The following ERBB4 variants were observed in gnomAD, a reference collection of about 807,000 sequenced individuals.
The protein encoded by ERBB4 is receptor tyrosine-protein kinase erbB-4.
In ERBB4, 42 loss-of-function variants were observed where a neutral mutation model predicts 158.0. That is an observed-to-expected ratio of 0.27 (90% CI 0.21 to 0.34). ERBB4 has a LOEUF of 0.34. Among genes scored for constraint, ERBB4 ranks in the 10% least tolerant of loss-of-function variants. The pLI is 1.00. For missense variants in ERBB4, 1,333 were observed against 1,624.1 expected (o/e 0.82, Z 3.08); for synonymous variants, 583 against 558.7 (o/e 1.04, Z -0.61).
Position 211,586,826 on chromosome 2 carries a change from T to A in ERBB4, c.2302-24738A>T, listed in dbSNP as rs369999208. Among the ~76,000 whole-genome samples the A allele has an allele frequency of 9.8e-4, 150 of 152,308 alleles. No individual in the cohort carries two copies. The South Asian group carries it at 0.031, about 31-fold the overall frequency. Reference sequence around the variant, plus strand: ...TACACTTCAGTCAGTCTCACCCAGATTGATAAGAAATATCATTTCAAGACT... The same window carrying A: ...TACACTTCAGTCAGTCTCACCCAGAATGATAAGAAATATCATTTCAAGACT... On this transcript the variant is annotated intron_variant, in intron 19 of 27. Coordinates refer to ENST00000342788, the MANE Select transcript of ERBB4 (RefSeq NM_005235.3).
chr2:211,679,024 G>T (rs774559696), intron 13 of ERBB4, 28 bp downstream of exon 13: 87 of 1,566,170 alleles, frequency 5.6e-5, no homozygotes, highest in Non-Finnish European at 7.5e-5. Flanking sequence ...AGCTCATGAG[G>T]TGAAGGCAAC....
At chr2:212,498,116 ATGTGTG>A (rs746391733) in intron 1 of ERBB4, among the ~76,000 whole-genome samples, 1 of 144,654 alleles carries the variant, frequency 6.9e-6, no homozygotes, top group African/African-American at 2.7e-5. Context: ...GTGCATATCT[ATGTGTG>A]TGTGTGTGTG....
chr2:211,823,690 T>G (rs1383859971), intron 3 of ERBB4, among the ~76,000 whole-genome samples: 8 of 152,166 alleles, frequency 5.3e-5, no homozygotes, highest in African/African-American at 1.9e-4. Flanking sequence ...TATCAAAGTA[T>G]ATTAACTCAA....
At position 212,136,149 on chromosome 2, in the gene ERBB4, T is replaced by C. The variant is rs986091606; in HGVS notation, c.83-11246A>G. On this transcript the variant is annotated intron_variant, in intron 1 of 27. Transcript: ENST00000342788. ...GCAGTGTGTGGGATATTTTTCCTGT[T>C]AGGAGAATTTACAAGAAGGAATTAG... Among the ~76,000 whole-genome samples the C allele has an allele frequency of 2.0e-5, 3 of 152,192 alleles. No individual in the cohort carries two copies. The South Asian group carries it at 6.2e-4, about 31-fold the overall frequency.
intron 1 of ERBB4, among the ~76,000 whole-genome samples, chr2:212,211,956 C>G (rs1199847885): frequency 6.6e-6 from 1 of 152,116 alleles, no homozygotes; most frequent in African/African-American, 2.4e-5. Flanking sequence ...TTTACCCAGT[C>G]TATCAGTGAT....
intron 1 of ERBB4, among the ~76,000 whole-genome samples, chr2:212,523,503 T>C (rs137897779): frequency 6.6e-6 from 1 of 152,004 alleles, no homozygotes; most frequent in Non-Finnish European, 1.5e-5. Context: ...ATATAATGGA[T>C]CAGAAGTGTG....
At chr2:212,481,358 T>TA (rs903910259) in intron 1 of ERBB4, among the ~76,000 whole-genome samples, 3 of 152,174 alleles carry the variant, frequency 2.0e-5, no homozygotes, top group Non-Finnish European at 2.9e-5. Flanking sequence ...TTATTTTATT[T>TA]AAAAAATCAC....
chr2:211,425,597 A>G (rs1167971164), intron 22 of ERBB4, among the ~76,000 whole-genome samples: 3 of 151,928 alleles, frequency 2.0e-5, no homozygotes, highest in African/African-American at 7.2e-5. Flanking sequence ...ATGACTGTTC[A>G]TCTCTAGATA....
At chr2:211,820,016 T>C (rs1299579677) in intron 3 of ERBB4, among the ~76,000 whole-genome samples, 1 of 151,886 alleles carries the variant, frequency 6.6e-6, no homozygotes, top group Non-Finnish European at 1.5e-5. Flanking sequence ...ACATTGACTA[T>C]TAGATGGAGT....
chr2:211,699,644 C>G (rs1406248084), intron 12 of ERBB4, among the ~76,000 whole-genome samples: 1 of 151,982 alleles, frequency 6.6e-6, no homozygotes. Context: ...CTATGTTTCT[C>G]CTAACTGCTT....
chr2:211,769,056 C>T (rs1320157516), intron 4 of ERBB4, among the ~76,000 whole-genome samples: 1 of 152,172 alleles, frequency 6.6e-6, no homozygotes, highest in Non-Finnish European at 1.5e-5. Context: ...CTAGTCATAT[C>T]TTGAATGCTT....
intron 19 of ERBB4, among the ~76,000 whole-genome samples, chr2:211,594,870 T>C (rs962389285): frequency 1.3e-5 from 2 of 152,006 alleles, no homozygotes; most frequent in African/African-American, 4.8e-5. Flanking sequence ...ATGAAGTGAC[T>C]GAAGGTAAAA....
intron 20 of ERBB4, among the ~76,000 whole-genome samples, chr2:211,503,834 G>A (rs1340697404): frequency 2.0e-5 from 3 of 152,118 alleles, no homozygotes; most frequent in African/African-American, 7.2e-5. Flanking sequence ...TCAGTGGACT[G>A]GGAGGAACCC....
At chr2:211,569,441 C>A (rs1032555774) in intron 19 of ERBB4, among the ~76,000 whole-genome samples, 1 of 152,182 alleles carries the variant, frequency 6.6e-6, no homozygotes, top group African/African-American at 2.4e-5. Flanking sequence ...AGGAAGCTTT[C>A]ATTCTACCTG....
In ERBB4 at chr2:212,057,414, T is replaced by C. The variant is rs999086504; in HGVS notation, c.234+67338A>G. ...AGGGTAACCAGGAATTGAACTCAGCTCTGCACCAAGTGGACCTAGTAGGCA... is the reference window on the plus strand; with the variant it reads ...AGGGTAACCAGGAATTGAACTCAGCCCTGCACCAAGTGGACCTAGTAGGCA... On this transcript the variant is annotated intron_variant, in intron 2 of 27. Coordinates refer to ENST00000342788, the MANE Select transcript of ERBB4 (RefSeq NM_005235.3). Among the ~76,000 whole-genome samples, 12 of 152,278 alleles carry C rather than the reference T, an allele frequency of 7.9e-5. 1 individual carries two copies. The South Asian group carries it at 1.2e-3, about 16-fold the overall frequency.
intron 19 of ERBB4, among the ~76,000 whole-genome samples, chr2:211,581,696 G>A (rs1179517257): frequency 6.6e-6 from 1 of 151,916 alleles, no homozygotes; most frequent in Non-Finnish European, 1.5e-5. Flanking sequence ...TCACCCCTAT[G>A]GCCTCATTTT....
chr2:212,080,347 A>G (rs1052511209), intron 2 of ERBB4, among the ~76,000 whole-genome samples: 8 of 151,216 alleles, frequency 5.3e-5, no homozygotes, highest in East Asian at 1.9e-4. Context: ...AATTAAAATT[A>G]AAATTAACCC....
intron 1 of ERBB4, among the ~76,000 whole-genome samples, chr2:212,414,442 T>A (rs942577495): frequency 6.6e-6 from 1 of 152,208 alleles, no homozygotes; most frequent in Admixed American, 6.5e-5. Context: ...ATCTACAATT[T>A]GAAAGGTGAT....
intron 1 of ERBB4, among the ~76,000 whole-genome samples, chr2:212,344,923 C>A (rs1311634825): frequency 6.6e-6 from 1 of 152,066 alleles, no homozygotes; most frequent in East Asian, 1.9e-4. Context: ...TAGTACATCT[C>A]TCATAGGGTT....
Sources: gnomAD v4.1 joint callset for allele counts (sites outside exome capture counted in the v4.1 genomes callset) on GRCh38, gnomAD v4.1.1 for gene constraint, MANE v1.5 for transcripts, NCBI Gene and HGNC (gene_info 2026-07-23, HGNC 2026-07-21) for gene names.